The following RGS6 variants were observed in gnomAD, a reference collection of about 807,000 sequenced individuals.
RGS6 encodes regulator of G-protein signaling 6.
RGS6 carries 30 observed loss-of-function variants against 78.5 expected under a neutral mutation model. The ratio of observed to expected loss-of-function variants is 0.38; its 90% CI spans 0.29 to 0.52. The LOEUF is 0.52. Among genes scored for constraint, RGS6 ranks in the 20% least tolerant of loss-of-function variants. The pLI is 0.85. For synonymous variants in RGS6, 206 were observed against 206.0 expected, an observed-to-expected ratio of 1.00 and a Z score of 0.00; for missense variants, 495 against 609.7, an observed-to-expected ratio of 0.81 and a Z score of 1.98.
chr14:71,942,357 A>G (rs1173566436), intron 1 of RGS6, among the ~76,000 whole-genome samples: 1 of 152,124 alleles, frequency 6.6e-6, no homozygotes, highest in Non-Finnish European at 1.5e-5. Context: ...ACATATTTCA[A>G]AAAATGGAAG....
chr14:72,325,243 C>T (rs545596050), intron 2 of RGS6, among the ~76,000 whole-genome samples: 9 of 152,264 alleles, frequency 5.9e-5, no homozygotes, highest in African/African-American at 2.2e-4. Flanking sequence ...TTTGTAGATT[C>T]TGGATATTAG....
chr14:72,166,314 T>G (rs558671287), intron 2 of RGS6, among the ~76,000 whole-genome samples: 42 of 152,326 alleles, frequency 2.8e-4, no homozygotes, highest in East Asian at 9.6e-4. Flanking sequence ...CTCCCATTTT[T>G]TGTTAGATTC....
At chr14:72,568,870 C>T (rs914891512), downstream of RGS6, among the ~76,000 whole-genome samples, 3 of 152,236 alleles carry the variant, frequency 2.0e-5, no homozygotes, top group African/African-American at 7.2e-5. Flanking sequence ...TGGACCTCCA[C>T]GGGAGGGGCA....
intron 2 of RGS6, among the ~76,000 whole-genome samples, chr14:72,185,551 T>C (rs2153706472): frequency 6.6e-6 from 1 of 152,302 alleles, no homozygotes. Context: ...AAATGAAGGA[T>C]AGAATGTGGT....
chr14:72,536,503 C>T (rs1163113134), intron 16 of RGS6, among the ~76,000 whole-genome samples: 4 of 152,196 alleles, frequency 2.6e-5, no homozygotes, highest in Admixed American at 2.6e-4. Flanking sequence ...CCTACTGCCT[C>T]TCTCTGCATG....
At chr14:71,921,253 A>T in the RGS6 span, among the ~76,000 whole-genome samples, 1 of 152,254 alleles carries the variant, frequency 6.6e-6, no homozygotes, top group South Asian at 2.1e-4. Context: ...TGTTGGTAGT[A>T]ATGTAAATTA....
At chr14:72,152,813 A>C (rs754193830) in intron 2 of RGS6, among the ~76,000 whole-genome samples, 16 of 152,168 alleles carry the variant, frequency 1.1e-4, no homozygotes, top group Non-Finnish European at 1.9e-4. Context: ...TTTAGCTAAC[A>C]TCTGGGTCCT....
chr14:72,298,534 G>A (rs539799788), intron 2 of RGS6, among the ~76,000 whole-genome samples: 28 of 136,644 alleles, frequency 2.0e-4, no homozygotes, highest in African/African-American at 6.5e-4. Flanking sequence ...TGCAAGCTCC[G>A]CCTCCCGGGT....
At chr14:72,423,046 G>A (rs555006242) in intron 3 of RGS6, among the ~76,000 whole-genome samples, 76 of 152,272 alleles carry the variant, frequency 5.0e-4, no homozygotes, top group Non-Finnish European at 7.5e-4. Flanking sequence ...ATCAAGAGTA[G>A]AAGGGCCTGA....
chr14:72,590,513 A>G, the RGS6 span, among the ~76,000 whole-genome samples: 2 of 152,246 alleles, frequency 1.3e-5, no homozygotes, highest in African/African-American at 4.8e-5. Flanking sequence ...AGGGAAAAAA[A>G]GCCAGACATA....
At chr14:72,575,071 G>C in the RGS6 span, among the ~76,000 whole-genome samples, 1 of 152,160 alleles carries the variant, frequency 6.6e-6, no homozygotes, top group Non-Finnish European at 1.5e-5. Flanking sequence ...GTAGATACCA[G>C]AGCTGCTTCC....
intron 2 of RGS6, among the ~76,000 whole-genome samples, chr14:72,204,376 G>A (rs1443043569): frequency 6.6e-6 from 1 of 152,122 alleles, no homozygotes; most frequent in African/African-American, 2.4e-5. Flanking sequence ...AGACCAGGAG[G>A]AAGACATCCT....
chr14:72,333,262 CAAAT>C (rs1370390053), intron 2 of RGS6, among the ~76,000 whole-genome samples: 1 of 152,178 alleles, frequency 6.6e-6, no homozygotes, highest in Non-Finnish European at 1.5e-5. Context: ...GATATCAAGT[CAAAT>C]AAAGCTGTTA....
At chr14:72,196,759 A>G (rs2040258839) in intron 2 of RGS6, among the ~76,000 whole-genome samples, 1 of 152,188 alleles carries the variant, frequency 6.6e-6, no homozygotes, top group Non-Finnish European at 1.5e-5. Flanking sequence ...CTTTGGAATT[A>G]TGATTTGTAT....
At chr14:71,878,480 A>C in the RGS6 span, among the ~76,000 whole-genome samples, 1 of 152,180 alleles carries the variant, frequency 6.6e-6, no homozygotes, top group Non-Finnish European at 1.5e-5. Context: ...GGACCCTCCA[A>C]GCCAGGCACG....
At chr14:72,228,276 G>A (rs540853086) in intron 2 of RGS6, among the ~76,000 whole-genome samples, 1 of 152,228 alleles carries the variant, frequency 6.6e-6, no homozygotes, top group South Asian at 2.1e-4. Context: ...AGCTACTTGG[G>A]AGGCTGAGGC....
At chr14:72,300,135 G>A (rs2065744316) in intron 2 of RGS6, among the ~76,000 whole-genome samples, 1 of 151,666 alleles carries the variant, frequency 6.6e-6, no homozygotes, top group Admixed American at 6.6e-5. Flanking sequence ...CATACCATGT[G>A]AACTTGAAAA....
intron 2 of RGS6, among the ~76,000 whole-genome samples, chr14:72,207,187 ATTGT>A (rs1047769306): frequency 2.6e-5 from 4 of 152,112 alleles, no homozygotes; most frequent in African/African-American, 7.2e-5. Flanking sequence ...CTATAGATGT[ATTGT>A]TTGTTTTTAA....
chr14:71,956,422 G>A, intron 1 of RGS6, among the ~76,000 whole-genome samples: 1 of 151,536 alleles, frequency 6.6e-6, no homozygotes, highest in East Asian at 1.9e-4. Flanking sequence ...ATATATGTAG[G>A]AGTTTATTAA....
Sources: gnomAD v4.1 joint callset for allele counts (sites outside exome capture counted in the v4.1 genomes callset) on GRCh38, gnomAD v4.1.1 for gene constraint, MANE v1.5 for transcripts, NCBI Gene and HGNC (gene_info 2026-07-23, HGNC 2026-07-21) for gene names.